Variants in C1orf116 observed in about 807,000 individuals in gnomAD.
C1orf116 encodes specifically androgen-regulated gene protein.
A neutral mutation model predicts 14.1 loss-of-function variants in C1orf116; 12 were observed. That is an observed-to-expected ratio of 0.85 (90% confidence interval 0.54 to 1.38). The LOEUF (loss-of-function observed/expected upper bound fraction) is 1.38, where lower values mean the gene tolerates loss of function less well. C1orf116 is among the 40% of genes most tolerant of loss of function. The probability of loss-of-function intolerance (pLI) is 0.00; values close to 1 mark genes in which losing one functional copy is unlikely to be tolerated. For missense variants in C1orf116, 797 were observed against 747.0 expected, an observed-to-expected ratio of 1.07 and a Z score of -0.78; for synonymous variants, 296 against 299.0, an observed-to-expected ratio of 0.99 and a Z score of 0.10.
chr1:207,031,245 T>G (rs997589417), intron 1 of C1orf116, among the ~76,000 whole-genome samples: 5 of 152,222 alleles, frequency 3.3e-5, no homozygotes, highest in African/African-American at 1.2e-4. Context: ...CATGAACACA[T>G]GGGCAAGTTT....
At chr1:207,024,178 A>G (rs1248376505) in intron 3 of C1orf116, among the ~76,000 whole-genome samples, 1 of 152,230 alleles carries the variant, frequency 6.6e-6, no homozygotes. Context: ...GGGCCAGTGA[A>G]TCAGCCTCAT....
intron 3 of C1orf116, among the ~76,000 whole-genome samples, chr1:207,024,417 G>A (rs1245146898): frequency 3.3e-5 from 5 of 152,176 alleles, no homozygotes; most frequent in Admixed American, 3.3e-4. Flanking sequence ...AATACCACTG[G>A]CTTTCCACGC....
At chr1:207,031,228 C>A (rs1006261854) in intron 1 of C1orf116, among the ~76,000 whole-genome samples, 3 of 152,224 alleles carry the variant, frequency 2.0e-5, no homozygotes, top group African/African-American at 7.2e-5. Flanking sequence ...GTTTGCATAT[C>A]TGTCTCCATG....
At chr1:207,029,987 A>G (rs1682196482) in intron 1 of C1orf116, among the ~76,000 whole-genome samples, 1 of 152,136 alleles carries the variant, frequency 6.6e-6, no homozygotes, top group South Asian at 2.1e-4. Context: ...TATGCTTTAG[A>G]CTTTACAGAG....
intron 1 of C1orf116, among the ~76,000 whole-genome samples, chr1:207,027,888 G>T (rs1345150605): frequency 1.3e-5 from 2 of 152,210 alleles, no homozygotes; most frequent in Non-Finnish European, 2.9e-5. Context: ...TTGGTGGAGA[G>T]GCAGTCTAGT....
intron 1 of C1orf116, among the ~76,000 whole-genome samples, chr1:207,030,906 C>T (rs1682224344): frequency 6.6e-6 from 1 of 152,206 alleles, no homozygotes; most frequent in Non-Finnish European, 1.5e-5. Flanking sequence ...ATACTAAATA[C>T]TGCCAAGCCT....
Position 207,021,836 on chromosome 1 carries a change from T to C in C1orf116, c.*122A>G, listed in dbSNP as rs1681861181. The C allele has an allele frequency of 1.0e-5, 10 of 971,298 alleles. No homozygotes were observed. Among genetic ancestry groups the C allele is most frequent in the African/African-American group, 1.6e-5 (1 of 61,892 alleles). The allele number at this position is 971,298 out of a possible 1,614,324, so 60.2% of individuals were successfully genotyped here. A position where few individuals can be genotyped will look rare whatever the true frequency, so the allele number is the denominator to read the frequency against. ...ACAACACTGAATATAAATGTATGCT[T>C]GGACTCAAATCTCTCCCTCCCATTC... is the stretch of plus-strand genomic sequence containing the variant. On this transcript the variant is annotated 3_prime_UTR_variant, in exon 4 of 4. Transcript: ENST00000359470.
chr1:207,023,576 C>T, intron 3 of C1orf116, 96 bp from the exon 4 acceptor site: 19 of 1,453,988 alleles, frequency 1.3e-5, no homozygotes, highest in Non-Finnish European at 1.7e-5. Context: ...ACTTCCTGAA[C>T]TCTGATCCCA....
intron 1 of C1orf116, among the ~76,000 whole-genome samples, chr1:207,031,077 A>T (rs956171347): frequency 1.3e-5 from 2 of 152,132 alleles, no homozygotes; most frequent in Non-Finnish European, 2.9e-5. Context: ...GTCCTCCAAG[A>T]GCTTTGCCTC....
At position 207,022,412 on chromosome 1, in the gene C1orf116, G is replaced by A. The variant is rs1681907719; in HGVS notation, c.1352C>T (p.Ala451Val). ...CTTCGGTGGAGTCAGGGCACTGTTT[G>A]CCCTTGGGGCCTTAGGGATAGAAAT... ...MPISIPKAPR[A>V]NSALTPPKPE... Residue 451 changes from alanine to valine, a missense_variant, in exon 4 of 4, where the codon GCA becomes GTA. By Grantham distance (64) the Ala-to-Val change is moderately conservative. Transcript: ENST00000359470. The A allele has an allele frequency of 1.2e-6, 2 of 1,614,102 alleles. No homozygotes were observed. Among genetic ancestry groups the A allele is most frequent in the Non-Finnish European group, 1.7e-6 (2 of 1,180,032 alleles).
chr1:207,024,509 G>A (rs1681992284), intron 3 of C1orf116, among the ~76,000 whole-genome samples: 1 of 152,188 alleles, frequency 6.6e-6, no homozygotes, highest in South Asian at 2.1e-4. Context: ...CTTGTCCTCT[G>A]TGTCACCCAG....
intron 3 of C1orf116, 30 bp from the exon 4 acceptor site, chr1:207,023,510 T>G (rs1681958293): frequency 2.6e-6 from 4 of 1,560,162 alleles, no homozygotes; most frequent in Non-Finnish European, 2.6e-6. Context: ...CATAAAAGAG[T>G]GGACAGAAAA....
intron 1 of C1orf116, among the ~76,000 whole-genome samples, chr1:207,028,522 C>G (rs1682148615): frequency 6.6e-6 from 1 of 152,246 alleles, no homozygotes; most frequent in African/African-American, 2.4e-5. Flanking sequence ...TATTTTCTTT[C>G]TAGTGAATCT....
At position 207,022,683 on chromosome 1, in the gene C1orf116, C is replaced by T. The variant is rs35487307; in HGVS notation, c.1081G>A (p.Asp361Asn). 1 of 1,614,048 alleles carries T rather than the reference C, an allele frequency of 6.2e-7. No individual in the cohort carries two copies. The highest frequency in any genetic ancestry group is 8.5e-7 in the Non-Finnish European group (1 of 1,180,022). ...TTACTTAAGTGGAGTCCAGGCTCAT[C>T]TTGATCCTGGGGTAGCCCCAGCTTC... ...LEKLGLPQDQDEPGLHLSKPT... is the reference protein window; with the variant it reads ...LEKLGLPQDQNEPGLHLSKPT... Residue 361 changes from aspartate (D) to asparagine (N), a missense_variant, in exon 4 of 4, where the codon GAT becomes AAT. Asp to Asn is a conservative substitution (Grantham distance 23). Transcript: ENST00000359470.
chr1:207,023,405 G>A lies in C1orf116; in HGVS notation c.359C>T (p.Pro120Leu), dbSNP rs1681953946. Residue 120 changes from proline to leucine, a missense_variant, in exon 4 of 4, where the codon CCT (proline) becomes CTT (leucine). Pro to Leu is a moderately conservative substitution (Grantham distance 98). Transcript: ENST00000359470. ...TVTESSSSHP[P>L]EPQGLGLRSG... ...CCTGAGGCCTAGGCCCTGGGGCTCA[G>A]GAGGGTGGGATGAGCTGGACTCAGT... 2.5e-6 allele frequency: 4 copies of A among 1,613,908 alleles called. No homozygotes were observed. The highest frequency in any genetic ancestry group is 1.3e-5 in the African/African-American group (1 of 74,940).
chr1:207,024,751 G>T, intron 3 of C1orf116, 136 bp downstream of exon 3: 1 of 1,096,316 alleles, frequency 9.1e-7, no homozygotes, highest in Non-Finnish European at 1.3e-6. Flanking sequence ...AGCCAGGAGA[G>T]TGGTGAGGAG....
intron 2 of C1orf116, 84 bp downstream of exon 2, chr1:207,027,410 G>C (rs900883748): frequency 2.6e-6 from 4 of 1,529,402 alleles, no homozygotes; most frequent in Middle Eastern, 3.4e-4. Context: ...AGCCAGGATG[G>C]GTGGCAGGAA....
In C1orf116 at chr1:207,022,097, G is replaced by C; in HGVS notation, c.1667C>G (p.Ser556Cys). 6.2e-7 allele frequency: 1 copy of C among 1,612,680 alleles called. No homozygotes were observed. The highest frequency in any genetic ancestry group is 8.5e-7 in the Non-Finnish European group (1 of 1,179,132). Residue 556 changes from serine (S) to cysteine (C), a missense_variant, in exon 4 of 4, where the codon TCC becomes TGC. Physicochemically the swap from Ser to Cys is moderately radical, Grantham distance 112. Coordinates refer to ENST00000359470, the MANE Select transcript of C1orf116 (RefSeq NM_023938.6). ...CTGTCCTTGGTAGGACAGGCGCTTG[G>C]AGCTCTGCTCCTGCTCCAGGTCAGC... ...KLADLEQEQS[S>C]KRLSYQGQSR...
Position 207,022,727 on chromosome 1 carries a change from G to C in C1orf116, c.1037C>G (p.Ala346Gly), listed in dbSNP as rs149898526. 34 of 1,614,044 alleles carry C rather than the reference G, an allele frequency of 2.1e-5. No individual in the cohort carries two copies. Among genetic ancestry groups the C allele is most frequent in the Non-Finnish European group, 2.8e-5 (33 of 1,180,036 alleles). ...CAGCTTCTCTAGAGCTTCTTTACGT[G>C]CTTTTCTCTGCTCTTGCAGTGAACA... ...ISCSLQEQRKARKEALEKLGL... is the reference protein window; with the variant it reads ...ISCSLQEQRKGRKEALEKLGL... Residue 346 changes from alanine (A) to glycine (G), a missense_variant, in exon 4 of 4, where the codon GCA becomes GGA. Physicochemically the swap from Ala to Gly is moderately conservative, Grantham distance 60. Coordinates refer to ENST00000359470, the MANE Select transcript of C1orf116 (RefSeq NM_023938.6).
Sources: allele counts gnomAD v4.1 joint callset (sites outside exome capture counted in the v4.1 genomes callset), GRCh38; gene constraint gnomAD v4.1.1; transcripts MANE v1.5; gene names NCBI Gene and HGNC (gene_info 2026-07-23, HGNC 2026-07-21).